STAU2: variants seen among roughly 807,000 people sequenced by gnomAD.
The protein encoded by STAU2 is staufen double-stranded RNA binding protein 2.
Under a neutral mutation model 65.9 loss-of-function variants are expected in STAU2, and 20 were observed. The observed-to-expected ratio is 0.30, with a 90% CI of 0.21 to 0.44. STAU2 has a LOEUF of 0.44. STAU2 is among the 20% of genes least tolerant of loss of function. STAU2 has a pLI of 1.00. For synonymous variants in STAU2, 232 were observed against 233.9 expected, an observed-to-expected ratio of 0.99 and a Z score of 0.07; for missense variants, 558 against 683.9, an observed-to-expected ratio of 0.82 and a Z score of 2.05.
intron 13 of STAU2, chr8:73,551,440 T>C: frequency 4.1e-6 from 4 of 987,388 alleles, no homozygotes; most frequent in Non-Finnish European, 4.8e-6. Context: ...ATACACATTG[T>C]TATGCCTCAA....
At chr8:73,570,126 C>A (rs1034861075) in intron 12 of STAU2, among the ~76,000 whole-genome samples, 1 of 152,096 alleles carries the variant, frequency 6.6e-6, no homozygotes, top group Non-Finnish European at 1.5e-5. Context: ...CTTTAAATGA[C>A]CTGATGGAGC....
chr8:73,747,174 C>T (rs1275511078), upstream of STAU2: 10 of 529,020 alleles, frequency 1.9e-5, no homozygotes, highest in Non-Finnish European at 2.5e-5. Context: ...GGGCCATTCC[C>T]GGGGGGCTTG....
chr8:73,617,884 G>A (rs534621070), intron 6 of STAU2, among the ~76,000 whole-genome samples: 5 of 151,880 alleles, frequency 3.3e-5, no homozygotes, highest in South Asian at 4.1e-4. Context: ...GAAATGGACC[G>A]ACTACAATGC....
intron 6 of STAU2, among the ~76,000 whole-genome samples, chr8:73,647,128 T>C (rs1815446982): frequency 6.6e-6 from 1 of 152,206 alleles, no homozygotes; most frequent in African/African-American, 2.4e-5. Flanking sequence ...ACATTCCTGA[T>C]TGTGATGCCA....
At position 73,495,662 on chromosome 8, in the gene STAU2, A is replaced by AATATATAT. The variant is rs3032943; in HGVS notation, c.1530+56342_1530+56349dup. On this transcript the variant is annotated intron_variant, in intron 13 of 14. Coordinates refer to ENST00000524300, the MANE Select transcript of STAU2 (RefSeq NM_001164380.2). ...CTCTAAGGAATGATTCATAAAGCCA[A>AATATATAT]ATATATATATATATATATATATATA... 3.5e-3 allele frequency among the ~76,000 whole-genome samples: 463 copies of AATATATAT among 132,492 alleles called. 5 individuals are homozygous for AATATATAT. The highest frequency in any genetic ancestry group is 0.017 in the South Asian group (68 of 3,962). The allele number at this position is 132,492 out of a possible 152,430, so 86.9% of individuals were successfully genotyped here. A position where few individuals can be genotyped will look rare whatever the true frequency, so the allele number is the denominator to read the frequency against.
At chr8:73,599,593 C>T (rs1243231385) in intron 10 of STAU2, among the ~76,000 whole-genome samples, 2 of 152,196 alleles carry the variant, frequency 1.3e-5, no homozygotes, top group Non-Finnish European at 2.9e-5. Flanking sequence ...AGCTATACAG[C>T]ATGATACTCT....
chr8:73,436,736 A>G (rs565427794), intron 13 of STAU2, among the ~76,000 whole-genome samples: 1 of 151,998 alleles, frequency 6.6e-6, no homozygotes, highest in East Asian at 1.9e-4. Flanking sequence ...ACAGGCATGC[A>G]CCACCACACC....
At chr8:73,616,376 G>A (rs1372725993) in intron 7 of STAU2, among the ~76,000 whole-genome samples, 1 of 152,092 alleles carries the variant, frequency 6.6e-6, no homozygotes, top group Non-Finnish European at 1.5e-5. Flanking sequence ...GAAATAGATA[G>A]GAGCTCTCAT....
intron 6 of STAU2, among the ~76,000 whole-genome samples, chr8:73,642,938 T>C (rs1019383473): frequency 1.2e-4 from 18 of 152,172 alleles, no homozygotes; most frequent in Admixed American, 9.2e-4. Flanking sequence ...AGAGAAGTAA[T>C]AAAGGTCTGA....
chr8:73,601,950 G>A (rs1366004363), intron 10 of STAU2, among the ~76,000 whole-genome samples: 1 of 152,170 alleles, frequency 6.6e-6, no homozygotes, highest in South Asian at 2.1e-4. Context: ...GAAAAAAATA[G>A]TGAACATATT....
chr8:73,628,327 C>T (rs559945844), intron 6 of STAU2, among the ~76,000 whole-genome samples: 6 of 152,014 alleles, frequency 3.9e-5, no homozygotes, highest in Admixed American at 1.3e-4. Context: ...CCAACTCGGG[C>T]GCCCAAAGTG....
intron 6 of STAU2, among the ~76,000 whole-genome samples, chr8:73,663,923 A>G (rs182992996): frequency 2.6e-5 from 4 of 152,316 alleles, no homozygotes; most frequent in Admixed American, 2.6e-4. Context: ...GCTTTTCAGT[A>G]CTTTTGATTT....
intron 13 of STAU2, among the ~76,000 whole-genome samples, chr8:73,511,116 A>G (rs1024496768): frequency 3.3e-5 from 5 of 152,198 alleles, no homozygotes; most frequent in Admixed American, 3.3e-4. Flanking sequence ...GAGATGCTCT[A>G]TCTTATCCAC....
intron 12 of STAU2, among the ~76,000 whole-genome samples, chr8:73,573,340 T>C (rs1809255711): frequency 2.0e-5 from 3 of 152,220 alleles, no homozygotes; most frequent in African/African-American, 7.2e-5. Context: ...AGGTAATTTA[T>C]AGATTCAATG....
Position 73,573,920 on chromosome 8 carries a change from A to G in STAU2, c.1222+8850T>C, listed in dbSNP as rs557191316. 2.0e-5 allele frequency among the ~76,000 whole-genome samples: 3 copies of G among 152,346 alleles called. No homozygotes were observed. In the East Asian group the frequency reaches 5.8e-4, roughly 29 times the overall value. ...TTGACAAATGGGATCTAATTAAACT[A>G]AAGAGCTTCTGCACAGCAAAAGAAA... On this transcript the variant is annotated intron_variant, in intron 12 of 14. Coordinates refer to ENST00000524300, the MANE Select transcript of STAU2 (RefSeq NM_001164380.2).
At chr8:73,428,203 T>A (rs921096370) in intron 13 of STAU2, among the ~76,000 whole-genome samples, 4 of 152,238 alleles carry the variant, frequency 2.6e-5, no homozygotes, top group African/African-American at 7.2e-5. Context: ...ATATCTCACA[T>A]ATAAATGAGA....
At chr8:73,463,960 A>C (rs1819509032) in intron 13 of STAU2, among the ~76,000 whole-genome samples, 1 of 152,182 alleles carries the variant, frequency 6.6e-6, no homozygotes, top group Non-Finnish European at 1.5e-5. Context: ...AAGTGGTGTT[A>C]ATACATCATA....
At chr8:73,663,815 T>A (rs1442751208) in intron 6 of STAU2, among the ~76,000 whole-genome samples, 1 of 152,194 alleles carries the variant, frequency 6.6e-6, no homozygotes, top group Non-Finnish European at 1.5e-5. Context: ...TCACGCTATT[T>A]AATTCCCCAA....
intron 6 of STAU2, among the ~76,000 whole-genome samples, chr8:73,625,229 A>C (rs1017260246): frequency 6.6e-6 from 1 of 152,186 alleles, no homozygotes; most frequent in African/African-American, 2.4e-5. Flanking sequence ...ACCCAAGAGA[A>C]ATGAAAACTG....
Sources: allele counts gnomAD v4.1 joint callset (sites outside exome capture counted in the v4.1 genomes callset), GRCh38; gene constraint gnomAD v4.1.1; transcripts MANE v1.5; gene names NCBI Gene and HGNC (gene_info 2026-07-23, HGNC 2026-07-21).